SYTL3: variants seen among roughly 807,000 people sequenced by gnomAD.
SYTL3 encodes the protein synaptotagmin like 3, also known as synaptotagmin-like protein 3.
Under a neutral mutation model 82.1 loss-of-function variants are expected in SYTL3, and 88 were observed. That is an observed-to-expected ratio of 1.07 (90% CI 0.90 to 1.28). SYTL3 has a LOEUF of 1.28. Among genes scored for constraint, SYTL3 ranks in the 50% most tolerant of loss-of-function variants. The pLI, the probability that SYTL3 is intolerant of heterozygous loss-of-function variation, is 0.00. For missense variants in SYTL3, 831 were observed against 757.6 expected (o/e 1.10, Z -1.14); for synonymous variants, 311 against 289.4 (o/e 1.07, Z -0.76).
At chr6:158,689,314 CA>C (rs1779610646) in intron 6 of SYTL3, among the ~76,000 whole-genome samples, 1 of 151,488 alleles carries the variant, frequency 6.6e-6, no homozygotes, top group Non-Finnish European at 1.5e-5. Flanking sequence ...ATCAGTTTGG[CA>C]AAACAACATT....
rs1790596654 is a variant in SYTL3 at position 158,764,831 on chromosome 6, T to A, written c.*227T>A. ...GGTGGGTTATCTCCTCTTTGAGATGTAGAAAATGGCCAGATTTTAATAAAC... is the reference window on the plus strand; with the variant it reads ...GGTGGGTTATCTCCTCTTTGAGATGAAGAAAATGGCCAGATTTTAATAAAC... On this transcript the variant is annotated 3_prime_UTR_variant, in exon 18 of 18. Coordinates refer to ENST00000611299, the MANE Select transcript of SYTL3 (RefSeq NM_001242394.2). 2.4e-6 allele frequency: 1 copy of A among 418,110 alleles called. No individual in the cohort carries two copies. 25.9% of individuals were successfully genotyped at this position (418,110 alleles called of 1,614,324 possible). A position where few individuals can be genotyped will look rare whatever the true frequency, so the allele number is the denominator to read the frequency against.
At chr6:158,695,087 A>G (rs910030516) in intron 6 of SYTL3, among the ~76,000 whole-genome samples, 1 of 152,228 alleles carries the variant, frequency 6.6e-6, no homozygotes, top group African/African-American at 2.4e-5. Context: ...TTGTAAATAA[A>G]GTTTTATTGG....
chr6:158,665,283 G>A (rs1206321064), intron 4 of SYTL3, 112 bp from the exon 5 acceptor site: 9 of 954,572 alleles, frequency 9.4e-6, no homozygotes, highest in South Asian at 3.2e-5. Context: ...CAGGGATGTC[G>A]AATGCCAAAG....
At chr6:158,738,246 A>G (rs1278710573) in intron 11 of SYTL3, among the ~76,000 whole-genome samples, 1 of 152,106 alleles carries the variant, frequency 6.6e-6, no homozygotes, top group Non-Finnish European at 1.5e-5. Context: ...TGATTAACAC[A>G]GTTTTTTTGC....
At position 158,663,325 on chromosome 6, in the gene SYTL3, C is replaced by A; in HGVS notation, c.57C>A (p.Leu19=). ...AGGAGTTAGAACGCGAGGCCATTCT[C>A]CAGGTCCTGTACCGAGACCAGGCGG... ...ALKELEREAI[L]QVLYRDQAVQ... Residue 19 remains leucine (L), a synonymous_variant, in exon 4 of 18, where the codon CTC becomes CTA. Transcript: ENST00000611299. The A allele has an allele frequency of 6.2e-7, 1 of 1,614,088 alleles. No homozygotes were observed. Among genetic ancestry groups the A allele is most frequent in the South Asian group, 1.1e-5 (1 of 91,070 alleles).
intron 11 of SYTL3, chr6:158,726,696 C>A: frequency 3.6e-6 from 1 of 281,594 alleles, no homozygotes. Flanking sequence ...TTCGTTCATT[C>A]AGCACTGTTT....
At chr6:158,710,825 GGCTGGA>G (rs2128459901) in intron 8 of SYTL3, among the ~76,000 whole-genome samples, 1 of 149,354 alleles carries the variant, frequency 6.7e-6, no homozygotes, top group Admixed American at 6.7e-5. Flanking sequence ...CTCTTGTCCA[GGCTGGA>G]GTGCAATGGC....
intron 5 of SYTL3, among the ~76,000 whole-genome samples, chr6:158,674,072 A>G (rs1777720381): frequency 6.9e-6 from 1 of 145,242 alleles, no homozygotes; most frequent in Non-Finnish European, 1.5e-5. Context: ...CAACATAGTG[A>G]GACTGTGTCT....
intron 10 of SYTL3, among the ~76,000 whole-genome samples, chr6:158,718,985 CCTG>C (rs1350749389): frequency 6.6e-6 from 1 of 152,212 alleles, no homozygotes; most frequent in Non-Finnish European, 1.5e-5. Flanking sequence ...GCCCCCCTCT[CCTG>C]CTGGAACTTG....
intron 11 of SYTL3, among the ~76,000 whole-genome samples, chr6:158,737,258 A>G (rs765544060): frequency 9.2e-5 from 14 of 152,184 alleles, no homozygotes; most frequent in Non-Finnish European, 1.8e-4. Context: ...GGAGGGTAAG[A>G]TAATTGGTCA....
intron 9 of SYTL3, among the ~76,000 whole-genome samples, chr6:158,717,831 C>T (rs1303063773): frequency 6.6e-6 from 1 of 152,174 alleles, no homozygotes; most frequent in Non-Finnish European, 1.5e-5. Context: ...TCACCCTGAC[C>T]ATGGCCTGGG....
chr6:158,739,994 C>CTTT (rs35026438), intron 11 of SYTL3, among the ~76,000 whole-genome samples: 3,362 of 105,478 alleles, frequency 0.032, 177 homozygotes, highest in South Asian at 0.055. Flanking sequence ...AGGCAACTTA[C>CTTT]TTTTTTTTTT....
At chr6:158,728,803 G>A (rs369432852) in intron 11 of SYTL3, among the ~76,000 whole-genome samples, 11 of 152,306 alleles carry the variant, frequency 7.2e-5, no homozygotes, top group African/African-American at 1.7e-4. Context: ...AGCCGGGCGC[G>A]GTGGCGCCAC....
chr6:158,693,855 C>CTTTTCTTTTCTTTTTTTTTT (rs71030191), intron 6 of SYTL3, among the ~76,000 whole-genome samples: 8 of 96,864 alleles, frequency 8.3e-5, no homozygotes, highest in African/African-American at 2.7e-4. Flanking sequence ...TTTTTCTTTT[C>CTTTTCTTTTCTTTTTTTTTT]TTTTTTTTTT....
At chr6:158,762,896 G>A (rs1039062668) in intron 16 of SYTL3, among the ~76,000 whole-genome samples, 1 of 152,128 alleles carries the variant, frequency 6.6e-6, no homozygotes, top group Admixed American at 6.5e-5. Flanking sequence ...CAGCCTGGGC[G>A]ACAGAACAAA....
intron 10 of SYTL3, among the ~76,000 whole-genome samples, chr6:158,719,202 CTG>C (rs1310902364): frequency 6.6e-6 from 1 of 152,182 alleles, no homozygotes; most frequent in African/African-American, 2.4e-5. Flanking sequence ...GTGCTGGACT[CTG>C]TACTAATAGC....
intron 9 of SYTL3, among the ~76,000 whole-genome samples, chr6:158,714,327 G>A (rs1783105637): frequency 6.6e-6 from 1 of 150,724 alleles, no homozygotes; most frequent in Admixed American, 6.6e-5. Flanking sequence ...ACTCCAGCCT[G>A]AGCAACAGAG....
intron 5 of SYTL3, among the ~76,000 whole-genome samples, chr6:158,682,484 C>T (rs906344643): frequency 1.3e-5 from 2 of 151,420 alleles, no homozygotes; most frequent in African/African-American, 2.4e-5. Context: ...CTCAGCCTCC[C>T]GAGTAGCTGG....
chr6:158,668,850 A>C (rs1777039717), intron 5 of SYTL3, among the ~76,000 whole-genome samples: 1 of 152,178 alleles, frequency 6.6e-6, no homozygotes, highest in Non-Finnish European at 1.5e-5. Context: ...GTCGCTTGGC[A>C]TGCTGAACTG....
Sources: allele counts gnomAD v4.1 joint callset (sites outside exome capture counted in the v4.1 genomes callset), GRCh38; gene constraint gnomAD v4.1.1; transcripts MANE v1.5; gene names NCBI Gene and HGNC (gene_info 2026-07-23, HGNC 2026-07-21).